The following UNC13C variants were observed in gnomAD, a reference collection of about 807,000 sequenced individuals.
UNC13C encodes the protein protein unc-13 homolog C.
A neutral mutation model predicts 245.4 loss-of-function variants in UNC13C; 174 were observed. The ratio of observed to expected loss-of-function variants is 0.71; its 90% confidence interval spans 0.63 to 0.80. The LOEUF is 0.80. UNC13C is among the 30% of genes least tolerant of loss of function. UNC13C has a pLI of 0.00. For synonymous variants in UNC13C, 992 were observed against 895.1 expected, an observed-to-expected ratio of 1.11 and a Z score of -1.93; for missense variants, 2,829 against 2,602.9, an observed-to-expected ratio of 1.09 and a Z score of -1.89.
intron 4 of UNC13C, among the ~76,000 whole-genome samples, chr15:54,206,804 A>G (rs1387970452): frequency 6.6e-6 from 1 of 152,140 alleles, no homozygotes; most frequent in Non-Finnish European, 1.5e-5. Flanking sequence ...ATCTTAGTCT[A>G]GAAAATTATA....
intron 22 of UNC13C, among the ~76,000 whole-genome samples, chr15:54,503,766 A>G (rs1894338870): frequency 6.6e-6 from 1 of 152,148 alleles, no homozygotes. Context: ...AACTATTGCA[A>G]TTTGTTTTTA....
At chr15:53,844,845 T>C in the UNC13C span, among the ~76,000 whole-genome samples, 1 of 152,150 alleles carries the variant, frequency 6.6e-6, no homozygotes. Context: ...AGGCACTACC[T>C]TGAGCTGTGA....
At chr15:54,384,849 G>A (rs1048544232) in intron 17 of UNC13C, among the ~76,000 whole-genome samples, 2 of 152,002 alleles carry the variant, frequency 1.3e-5, no homozygotes, top group African/African-American at 4.8e-5. Context: ...AGTGGGCAAA[G>A]GATATGAATA....
chr15:54,332,473 CT>C (rs1242726160), intron 15 of UNC13C, among the ~76,000 whole-genome samples: 1 of 151,980 alleles, frequency 6.6e-6, no homozygotes, highest in Non-Finnish European at 1.5e-5. Flanking sequence ...CTGAAATACT[CT>C]GCTGATATTT....
chr15:53,978,089 A>G (rs113970592), upstream of UNC13C, among the ~76,000 whole-genome samples: 864 of 152,336 alleles, frequency 5.7e-3, 10 homozygotes, highest in African/African-American at 0.02. Flanking sequence ...AGTACAGTCA[A>G]GTACATCTAA....
intron 30 of UNC13C, among the ~76,000 whole-genome samples, chr15:54,600,820 A>G (rs937110785): frequency 6.6e-6 from 1 of 152,100 alleles, no homozygotes; most frequent in South Asian, 2.1e-4. Context: ...CCAAGCACCA[A>G]TCTAGATGTG....
At chr15:54,263,572 C>T (rs1376552561) in intron 8 of UNC13C, among the ~76,000 whole-genome samples, 1 of 152,062 alleles carries the variant, frequency 6.6e-6, no homozygotes, top group East Asian at 1.9e-4. Context: ...CATTTAAAAG[C>T]TCTGGATATA....
intron 2 of UNC13C, among the ~76,000 whole-genome samples, chr15:54,017,225 T>C (rs73415053): frequency 0.015 from 2,250 of 152,308 alleles, 65 homozygotes; most frequent in African/African-American, 0.052. Flanking sequence ...TGTTTTTGTT[T>C]TTTTTGCAGG....
intron 1 of UNC13C, among the ~76,000 whole-genome samples, chr15:53,988,462 G>T (rs1256221917): frequency 6.6e-6 from 1 of 151,818 alleles, no homozygotes; most frequent in Non-Finnish European, 1.5e-5. Context: ...AGAAGCCTTT[G>T]GGTACTTTGC....
intron 4 of UNC13C, among the ~76,000 whole-genome samples, chr15:54,160,070 AT>A (rs1239503759): frequency 6.6e-6 from 1 of 152,144 alleles, no homozygotes; most frequent in African/African-American, 2.4e-5. Context: ...TATATGATAC[AT>A]CACGGAAAAC....
At chr15:54,240,549 A>T (rs990077683) in intron 7 of UNC13C, among the ~76,000 whole-genome samples, 1 of 152,224 alleles carries the variant, frequency 6.6e-6, no homozygotes, top group Non-Finnish European at 1.5e-5. Context: ...CAGAACAGAC[A>T]CTAATGCCTG....
chr15:54,104,375 A>G (rs1170082368), intron 2 of UNC13C, among the ~76,000 whole-genome samples: 2 of 152,154 alleles, frequency 1.3e-5, no homozygotes, highest in Admixed American at 6.5e-5. Flanking sequence ...TGTCTATGCT[A>G]ACTTAAAAAA....
chr15:54,387,232 C>T (rs2039858045), intron 17 of UNC13C, among the ~76,000 whole-genome samples: 1 of 152,260 alleles, frequency 6.6e-6, no homozygotes, highest in African/African-American at 2.4e-5. Flanking sequence ...ACCCCATAGG[C>T]AGAGTAGCAC....
At chr15:54,632,839 G>A (rs779224098), downstream of UNC13C, 4 of 152,112 alleles carry the variant, frequency 2.6e-5, no homozygotes, top group East Asian at 7.7e-4. Context: ...TCAAAACAGT[G>A]GAGTATTCTA....
At position 54,265,365 on chromosome 15, in the gene UNC13C, A is replaced by G. The variant is rs1450897135; in HGVS notation, c.3687A>G (p.Ala1229=). 1 of 1,559,696 alleles carries G rather than the reference A, an allele frequency of 6.4e-7. No homozygotes were observed. The highest frequency in any genetic ancestry group is 8.7e-7 in the Non-Finnish European group (1 of 1,150,800). The part of the protein sequence containing the change: ...SAKITITVVS[A]QGLQAKDKTG... ...TTTGGTTTATTTCAGTGGTTTCTGC[A>G]CAGGGTCTACAGGCAAAAGATAAAA... Residue 1229 remains alanine, a synonymous_variant, in exon 10 of 33, where the codon GCA becomes GCG. Transcript: ENST00000260323.
At chr15:54,050,558 T>C in intron 2 of UNC13C, 1 of 450,212 alleles carries the variant, frequency 2.2e-6, no homozygotes, top group Non-Finnish European at 4.4e-6. Flanking sequence ...GCAAGTATTC[T>C]CCAGAGTGAG....
intron 7 of UNC13C, among the ~76,000 whole-genome samples, chr15:54,249,697 G>C (rs2036090810): frequency 6.6e-6 from 1 of 152,124 alleles, no homozygotes; most frequent in Non-Finnish European, 1.5e-5. Flanking sequence ...ATGGGAGAGT[G>C]CCTCATTTGA....
At chr15:54,216,653 A>T (rs1375970049) in intron 4 of UNC13C, among the ~76,000 whole-genome samples, 1 of 151,958 alleles carries the variant, frequency 6.6e-6, no homozygotes, top group Non-Finnish European at 1.5e-5. Context: ...GAAAACATTT[A>T]AAAATGATGG....
chr15:54,062,842 T>C (rs981140068), intron 2 of UNC13C, among the ~76,000 whole-genome samples: 3 of 152,238 alleles, frequency 2.0e-5, no homozygotes, highest in African/African-American at 4.8e-5. Context: ...CTGCAAATAC[T>C]GGGAACTGAG....
Sources: gnomAD v4.1 joint callset for allele counts (sites outside exome capture counted in the v4.1 genomes callset) on GRCh38, gnomAD v4.1.1 for gene constraint, MANE v1.5 for transcripts, NCBI Gene and HGNC (gene_info 2026-07-23, HGNC 2026-07-21) for gene names.